ERRFI1: variants seen among roughly 807,000 people sequenced by gnomAD.
The protein encoded by ERRFI1 is ERBB receptor feedback inhibitor 1.
ERRFI1 carries 12 observed loss-of-function variants against 14.6 expected under a neutral mutation model. The ratio of observed to expected loss-of-function variants is 0.82; its 90% CI spans 0.53 to 1.33. The LOEUF (loss-of-function observed/expected upper bound fraction) is 1.33, where lower values mean the gene tolerates loss of function less well. Among genes scored for constraint, ERRFI1 ranks in the 40% most tolerant of loss-of-function variants. The pLI is 0.00. For missense variants in ERRFI1, 482 were observed against 572.1 expected, an observed-to-expected ratio of 0.84 and a Z score of 1.61; for synonymous variants, 202 against 209.9, an observed-to-expected ratio of 0.96 and a Z score of 0.32.
In ERRFI1 at chr1:8,015,525, G is replaced by A. The variant is rs765586292; in HGVS notation, c.95C>T (p.Thr32Ile). Residue 32 changes from threonine (T) to isoleucine (I), a missense_variant, in exon 2 of 4, where the codon ACC becomes ATC. By Grantham distance (89) the Thr-to-Ile change is moderately conservative. Transcript: ENST00000377482. ...AAACTCACTGCGACTGCTCCAGTAG[G>A]TCTTCCTCATATTCCCCATGGCTCG... ...NGRAMGNMRKTYWSSRSEFKN... is the reference protein window; with the variant it reads ...NGRAMGNMRKIYWSSRSEFKN... 1.5e-5 allele frequency: 24 copies of A among 1,614,024 alleles called. No individual in the cohort carries two copies. Among genetic ancestry groups the A allele is most frequent in the Admixed American group, 3.3e-5 (2 of 59,998 alleles).
chr1:8,017,054 A>G (rs1419747170), intron 1 of ERRFI1, among the ~76,000 whole-genome samples: 1 of 152,170 alleles, frequency 6.6e-6, no homozygotes, highest in Non-Finnish European at 1.5e-5. Flanking sequence ...TCAGTAAGTG[A>G]ATGTTTGCTG....
intron 1 of ERRFI1, among the ~76,000 whole-genome samples, chr1:8,021,739 C>A (rs1410316459): frequency 6.6e-6 from 1 of 152,200 alleles, no homozygotes; most frequent in African/African-American, 2.4e-5. Flanking sequence ...ATTTAATCCT[C>A]TCTACAATGC....
chr1:8,021,770 T>C (rs1299360398), intron 1 of ERRFI1, among the ~76,000 whole-genome samples: 1 of 152,180 alleles, frequency 6.6e-6, no homozygotes, highest in East Asian at 1.9e-4. Context: ...GCTACTATTA[T>C]TACTCTCACT....
In ERRFI1 at chr1:8,015,596, A is replaced by G. The variant is rs1435203009; in HGVS notation, c.24T>C (p.Ala8=). ...TTTTTAATGGGACTCTGATCTCCTGAGCAGCAACTCCTGCTATTGACATTG... is the reference window on the plus strand; with the variant it reads ...TTTTTAATGGGACTCTGATCTCCTGGGCAGCAACTCCTGCTATTGACATTG... MSIAGVA[A]QEIRVPLKTG... The change falls in exon 2 of 4, where the codon GCT becomes GCC. Residue 8 remains alanine, a synonymous_variant. Coordinates refer to ENST00000377482, the MANE Select transcript of ERRFI1 (RefSeq NM_018948.4). 2 of 1,614,026 alleles carry G rather than the reference A, an allele frequency of 1.2e-6. No individual in the cohort carries two copies. Among genetic ancestry groups the G allele is most frequent in the Non-Finnish European group, 1.7e-6 (2 of 1,179,994 alleles).
rs1641138690 is a variant in ERRFI1 at position 8,014,270 on chromosome 1, T to C, written c.329A>G (p.Gln110Arg). Residue 110 changes from glutamine (Q) to arginine (R), a missense_variant, in exon 4 of 4, where the codon CAA becomes CGA. Transcript: ENST00000377482. The stretch of plus-strand genomic sequence containing the variant: ...GAGTTTCTTAAAACCACATACAACT[T>C]GATCCTCTTCATGTGGTCCCAAGTT... ...SENLGPHEED[Q>R]VVCGFKKLTV... 6.2e-7 allele frequency: 1 copy of C among 1,614,118 alleles called. No individual in the cohort carries two copies. Among genetic ancestry groups the C allele is most frequent in the Non-Finnish European group, 8.5e-7 (1 of 1,180,010 alleles).
chr1:8,013,931 C>G lies in ERRFI1; in HGVS notation c.668G>C (p.Ser223Thr), dbSNP rs1484121467. The G allele has an allele frequency of 1.2e-6, 2 of 1,614,138 alleles. No homozygotes were observed. Among genetic ancestry groups the G allele is most frequent in the Non-Finnish European group, 1.7e-6 (2 of 1,180,022 alleles). Reference sequence around the variant, plus strand: ...ACCTCCATTTTGGTCAGACACATAGCTGAGATCTGCTGCAGAAACAGCTGG... The same window carrying G: ...ACCTCCATTTTGGTCAGACACATAGGTGAGATCTGCTGCAGAAACAGCTGG... ...DTPAVSAADL[S>T]YVSDQNGGVP... The change falls in exon 4 of 4, where the codon AGC (serine) becomes ACC (threonine). Residue 223 changes from serine (S) to threonine (T), a missense_variant. Physicochemically the swap from Ser to Thr is moderately conservative, Grantham distance 58. Coordinates refer to ENST00000377482, the MANE Select transcript of ERRFI1 (RefSeq NM_018948.4). This position sits in a 1 kb window ranked among gnomAD's most constrained non-coding sequence, Gnocchi z 4.3.
At chr1:8,022,514 A>G (rs1412677373) in intron 1 of ERRFI1, among the ~76,000 whole-genome samples, 1 of 152,234 alleles carries the variant, frequency 6.6e-6, no homozygotes, top group Non-Finnish European at 1.5e-5. Context: ...CAGATGAGGA[A>G]ACAAAGTGAG....
At chr1:8,025,457 G>C (rs371002538) in intron 1 of ERRFI1, among the ~76,000 whole-genome samples, 128 of 152,280 alleles carry the variant, frequency 8.4e-4, no homozygotes, top group African/African-American at 2.9e-3. Context: ...AGAAGGAAGA[G>C]TTCAGAACAG....
intron 1 of ERRFI1, among the ~76,000 whole-genome samples, chr1:8,016,660 GTTTA>G (rs1304863832): frequency 1.3e-5 from 2 of 152,136 alleles, no homozygotes; most frequent in South Asian, 2.1e-4. Context: ...AGATAGCCAA[GTTTA>G]TTTATAAGTT....
chr1:8,015,281 C>T (rs2124065192), intron 3 of ERRFI1, 27 bp downstream of exon 3: 1 of 1,597,184 alleles, frequency 6.3e-7, no homozygotes, highest in Non-Finnish European at 8.6e-7. Context: ...CAAATGCTTA[C>T]TGTGATCAGA....
At chr1:8,025,824 T>G (rs1641338830) in intron 1 of ERRFI1, among the ~76,000 whole-genome samples, 1 of 151,962 alleles carries the variant, frequency 6.6e-6, no homozygotes, top group Non-Finnish European at 1.5e-5. Flanking sequence ...GGCGCTCGGG[T>G]GCATGGCCCC....
At chr1:8,021,485 A>T (rs1641273604) in intron 1 of ERRFI1, among the ~76,000 whole-genome samples, 1 of 152,206 alleles carries the variant, frequency 6.6e-6, no homozygotes, top group Non-Finnish European at 1.5e-5. Flanking sequence ...TTTCTTTTTG[A>T]CATATAACAA....
rs2124053863 is a variant in ERRFI1 at position 8,013,257 on chromosome 1, C to T, written c.1342G>A (p.Gly448Ser). ...KPDSKTKMDL[G>S]GHVKRKHLSY... ...AAATGTTTACGCTTCACGTGGCCAC[C>T]CAGATCCATTTTTGTTTTTGAGTCT... The change falls in exon 4 of 4, where the codon GGT becomes AGT. Residue 448 changes from glycine to serine, a missense_variant. Transcript: ENST00000377482. The surrounding 1 kb of genome is among the most constrained non-coding windows in gnomAD (Gnocchi z 4.3). 2 of 1,614,024 alleles carry T rather than the reference C, an allele frequency of 1.2e-6. No homozygotes were observed. Among genetic ancestry groups the T allele is most frequent in the Non-Finnish European group, 1.7e-6 (2 of 1,180,016 alleles).
At chr1:8,019,739 T>C (rs1557466813) in intron 1 of ERRFI1, among the ~76,000 whole-genome samples, 1 of 152,182 alleles carries the variant, frequency 6.6e-6, no homozygotes, top group East Asian at 1.9e-4. Context: ...CCTTAGGATA[T>C]GTAACAGGAA....
intron 1 of ERRFI1, among the ~76,000 whole-genome samples, chr1:8,018,090 C>A (rs75330224): frequency 2.0e-5 from 3 of 152,104 alleles, no homozygotes; most frequent in African/African-American, 4.8e-5. Context: ...AGGTGACCTG[C>A]CTCTAAATTT....
At chr1:8,018,527 G>A (rs1641232001) in intron 1 of ERRFI1, among the ~76,000 whole-genome samples, 1 of 152,110 alleles carries the variant, frequency 6.6e-6, no homozygotes, top group South Asian at 2.1e-4. Context: ...ATGTACCTAT[G>A]TGGGGAAATC....
intron 1 of ERRFI1, among the ~76,000 whole-genome samples, chr1:8,023,715 C>A (rs1418566708): frequency 1.3e-5 from 2 of 152,226 alleles, no homozygotes; most frequent in African/African-American, 4.8e-5. Flanking sequence ...CTCCCCACCA[C>A]CTTCTGAAAT....
intron 1 of ERRFI1, among the ~76,000 whole-genome samples, chr1:8,024,319 C>G (rs756530914): frequency 1.3e-5 from 2 of 152,042 alleles, no homozygotes; most frequent in Admixed American, 1.3e-4. Context: ...GTAGGAAAAC[C>G]GATGATTGAA....
chr1:8,015,417 C>A (rs372927205), intron 2 of ERRFI1, 33 bp from the exon 3 acceptor site: 1 of 1,614,036 alleles, frequency 6.2e-7, no homozygotes, highest in Non-Finnish European at 8.5e-7. Context: ...TGGTCATAAG[C>A]GAAGAGCAAT....
Sources: allele counts gnomAD v4.1 joint callset (sites outside exome capture counted in the v4.1 genomes callset), GRCh38; gene constraint gnomAD v4.1.1; non-coding constraint Gnocchi (gnomAD v3.1); transcripts MANE v1.5; gene names NCBI Gene and HGNC (gene_info 2026-07-23, HGNC 2026-07-21).